The following RABGAP1L variants were observed in gnomAD, a reference collection of about 807,000 sequenced individuals.
The protein encoded by RABGAP1L is rab GTPase-activating protein 1-like.
Under a neutral mutation model 137.7 loss-of-function variants are expected in RABGAP1L, and 63 were observed. The observed-to-expected ratio is 0.46, with a 90% CI of 0.37 to 0.56. The LOEUF is 0.56. RABGAP1L is among the 20% of genes least tolerant of loss of function. RABGAP1L has a pLI of 0.00. For missense variants in RABGAP1L, 1,095 were observed against 1,244.0 expected (o/e 0.88, Z 1.80); for synonymous variants, 431 against 433.7 (o/e 0.99, Z 0.08).
intron 15 of RABGAP1L, among the ~76,000 whole-genome samples, chr1:174,691,811 A>G (rs1678894991): frequency 6.6e-6 from 1 of 152,160 alleles, no homozygotes; most frequent in South Asian, 2.1e-4. Context: ...AATAAGTTAA[A>G]TAGTCATTTT....
At chr1:174,585,936 C>G (rs1367649339) in intron 13 of RABGAP1L, among the ~76,000 whole-genome samples, 1 of 152,162 alleles carries the variant, frequency 6.6e-6, no homozygotes, top group Non-Finnish European at 1.5e-5. Flanking sequence ...TTAAAATTCT[C>G]TATTTTAACC....
chr1:174,703,784 CATAAG>C (rs1366906600), intron 17 of RABGAP1L, among the ~76,000 whole-genome samples: 1 of 152,126 alleles, frequency 6.6e-6, no homozygotes, highest in Non-Finnish European at 1.5e-5. Flanking sequence ...TTCTGACTGT[CATAAG>C]ATAATATCAT....
At chr1:174,469,187 G>A (rs961260999) in intron 13 of RABGAP1L, among the ~76,000 whole-genome samples, 39 of 152,082 alleles carry the variant, frequency 2.6e-4, no homozygotes, top group African/African-American at 8.9e-4. Context: ...GCTTTGATTT[G>A]TAGTCCCAGG....
chr1:174,851,530 C>CT (rs887060679), intron 19 of RABGAP1L, among the ~76,000 whole-genome samples: 73 of 151,076 alleles, frequency 4.8e-4, no homozygotes, highest in African/African-American at 1.4e-3. Context: ...CCATTTCTTT[C>CT]TTTTTTTTTG....
In RABGAP1L at chr1:174,305,008, A is replaced by T. The variant is rs142728115; in HGVS notation, c.1346A>T (p.Asn449Ile). ...CAGTCTGAGGGAAAAGGCCATACCA[A>T]TGCTGGAGATGCAATATATGAGGTG... is the stretch of plus-strand genomic sequence containing the variant. ...LKQSEGKGHTNAGDAIYEVVS... is the reference protein window; with the variant it reads ...LKQSEGKGHTIAGDAIYEVVS... Residue 449 changes from asparagine to isoleucine, a missense_variant, in exon 11 of 26, where the codon AAT (asparagine) becomes ATT (isoleucine). Physicochemically the swap from Asn to Ile is moderately radical, Grantham distance 149. This residue lies in a region of RABGAP1L where 315 missense variants were observed against 324.8 expected (regional missense o/e 0.97). Transcript: ENST00000681986. 16 of 1,557,674 alleles carry T rather than the reference A, an allele frequency of 1.0e-5. No homozygotes were observed. Among genetic ancestry groups the T allele is most frequent in the Middle Eastern group, 1.7e-4 (1 of 5,946 alleles).
intron 1 of RABGAP1L, among the ~76,000 whole-genome samples, chr1:174,216,286 A>G: frequency 6.6e-6 from 1 of 152,154 alleles, no homozygotes; most frequent in South Asian, 2.1e-4. Flanking sequence ...ATTTAAAAAT[A>G]ACTAAGAGAA....
chr1:174,652,684 A>T (rs1036609161), intron 14 of RABGAP1L, among the ~76,000 whole-genome samples: 1 of 152,094 alleles, frequency 6.6e-6, no homozygotes, highest in Non-Finnish European at 1.5e-5. Flanking sequence ...TGTCCTAGAG[A>T]GGCACTCGCC....
intron 15 of RABGAP1L, among the ~76,000 whole-genome samples, chr1:174,697,450 A>G (rs927735233): frequency 1.3e-5 from 2 of 151,960 alleles, no homozygotes; most frequent in Non-Finnish European, 2.9e-5. Flanking sequence ...CTTCCCCAGT[A>G]TCTAGGATTA....
At chr1:174,648,368 G>A (rs984991386) in intron 14 of RABGAP1L, among the ~76,000 whole-genome samples, 5 of 152,008 alleles carry the variant, frequency 3.3e-5, no homozygotes, top group African/African-American at 1.2e-4. Flanking sequence ...CTCTAAACAC[G>A]CTTTAACTGT....
intron 19 of RABGAP1L, among the ~76,000 whole-genome samples, chr1:174,843,960 G>T (rs1693766553): frequency 7.8e-6 from 1 of 128,448 alleles, no homozygotes; most frequent in African/African-American, 2.9e-5. Context: ...GTTTTGATTT[G>T]CATTTCTCTG....
intron 13 of RABGAP1L, among the ~76,000 whole-genome samples, chr1:174,426,527 G>A (rs1651982770): frequency 6.6e-6 from 1 of 151,940 alleles, no homozygotes; most frequent in Admixed American, 6.6e-5. Flanking sequence ...GAGACCCCAA[G>A]ATCTTGATAT....
chr1:174,883,012 G>A (rs976721918), intron 19 of RABGAP1L, among the ~76,000 whole-genome samples: 4 of 152,024 alleles, frequency 2.6e-5, no homozygotes, highest in Non-Finnish European at 4.4e-5. Flanking sequence ...TAGTAGAGAT[G>A]GGGCTTTCAC....
At chr1:174,619,333 A>G (rs544858935) in intron 13 of RABGAP1L, among the ~76,000 whole-genome samples, 1 of 152,296 alleles carries the variant, frequency 6.6e-6, no homozygotes, top group African/African-American at 2.4e-5. Flanking sequence ...AAGACACATA[A>G]TTGTCAGATT....
In RABGAP1L at chr1:174,252,558, G is replaced by A; in HGVS notation, c.954G>A (p.Gln318=). Residue 318 remains glutamine (Q), a synonymous_variant, in exon 7 of 26, where the codon CAG becomes CAA. Transcript: ENST00000681986. The part of the protein sequence containing the change: ...GIEKKVVITV[Q]QLSNKELAIE... Reference sequence around the variant, plus strand: ...AGAAGAAGGTTGTGATTACAGTGCAGCAACTTTCTAACAAAGAATTAGCTA... The same window carrying A: ...AGAAGAAGGTTGTGATTACAGTGCAACAACTTTCTAACAAAGAATTAGCTA... 6.2e-7 allele frequency: 1 copy of A among 1,609,146 alleles called. No homozygotes were observed. The highest frequency in any genetic ancestry group is 1.1e-5 in the South Asian group (1 of 89,714).
At chr1:174,596,016 G>GCA in intron 13 of RABGAP1L, among the ~76,000 whole-genome samples, 1 of 104,992 alleles carries the variant, frequency 9.5e-6, no homozygotes, top group African/African-American at 5.6e-5. Context: ...GATTCCGTGG[G>GCA]CGTAGGACCC....
rs187790935 is a variant in RABGAP1L at position 174,984,476 on chromosome 1, C to A, written c.2805+1571C>A. Among the ~76,000 whole-genome samples, 23 of 152,310 alleles carry A rather than the reference C, an allele frequency of 1.5e-4. No homozygotes were observed. The East Asian group carries it at 4.0e-3, about 27-fold the overall frequency. On this transcript the variant is annotated intron_variant, in intron 24 of 25. Coordinates refer to ENST00000681986, the MANE Select transcript of RABGAP1L (RefSeq NM_001366446.1). ...CTAAGTTGGGCCAGGTGTGGTGGCT[C>A]ACGCCTGTAATCCCAACACTTTGGG...
In RABGAP1L at chr1:174,957,519, G is replaced by C. The variant is rs1668661615; in HGVS notation, c.2403G>C (p.Leu801=). The change falls in exon 20 of 26, where the codon CTG becomes CTC. Residue 801 remains leucine (L), a synonymous_variant. Transcript: ENST00000681986. ...ATCAGACAATGCGAGAGAGTCAGCT[G>C]CAACAGGAAGACCCAATGGATAGAT... ...KEYQTMRESQ[L]QQEDPMDRYK... 6.2e-7 allele frequency: 1 copy of C among 1,612,342 alleles called. No homozygotes were observed. Among genetic ancestry groups the C allele is most frequent in the African/African-American group, 1.3e-5 (1 of 74,856 alleles).
At position 174,964,941 on chromosome 1, in the gene RABGAP1L, G is replaced by C. The variant is rs780029744; in HGVS notation, c.2434-4336G>C. 2.7e-6 allele frequency: 4 copies of C among 1,504,106 alleles called. No individual in the cohort carries two copies. In the South Asian group the frequency reaches 3.7e-5, roughly 14 times the overall value. The allele number at this position is 1,504,106 out of a possible 1,614,324, so 93.2% of individuals were successfully genotyped here. A position where few individuals can be genotyped will look rare whatever the true frequency, so the allele number is the denominator to read the frequency against. On this transcript the variant is annotated intron_variant, in intron 20 of 25. Transcript: ENST00000681986. ...ATATTCTTTTTTTTTAATTGTCTTT[G>C]TACCTATGATTGAAAACAGTAGTTG...
At chr1:174,577,849 C>G (rs997384055) in intron 13 of RABGAP1L, among the ~76,000 whole-genome samples, 15 of 152,144 alleles carry the variant, frequency 9.9e-5, no homozygotes, top group African/African-American at 3.4e-4. Context: ...TTATTAGGAC[C>G]ATTCCTCAGA....
Sources: allele counts gnomAD v4.1 joint callset (sites outside exome capture counted in the v4.1 genomes callset), GRCh38; gene constraint gnomAD v4.1.1; regional missense constraint gnomAD v4.1.1; transcripts MANE v1.5; gene names NCBI Gene and HGNC (gene_info 2026-07-23, HGNC 2026-07-21).